PDE4D: variants seen among roughly 807,000 people sequenced by gnomAD.
PDE4D encodes phosphodiesterase 4D, also known as 3',5'-cyclic-AMP phosphodiesterase 4D.
In PDE4D, 24 loss-of-function variants were observed where a neutral mutation model predicts 87.4. The observed-to-expected ratio is 0.27, with a 90% CI of 0.20 to 0.39. The LOEUF (loss-of-function observed/expected upper bound fraction) is 0.39, where lower values mean the gene tolerates loss of function less well. Ranked by LOEUF, PDE4D falls within the 10% of genes least tolerant of loss-of-function variation. The pLI is 1.00. For synonymous variants in PDE4D, 384 were observed against 383.2 expected (o/e 1.00, Z -0.02); for missense variants, 714 against 1,041.0 (o/e 0.69, Z 4.32).
chr5:59,591,396 T>C (rs1276883285), intron 1 of PDE4D, among the ~76,000 whole-genome samples: 1 of 152,198 alleles, frequency 6.6e-6, no homozygotes, highest in African/African-American at 2.4e-5. Context: ...CTAGACTCTT[T>C]AGTCACTTGT....
chr5:59,864,898 A>G (rs1746794668), intron 1 of PDE4D, among the ~76,000 whole-genome samples: 1 of 152,138 alleles, frequency 6.6e-6, no homozygotes, highest in Admixed American at 6.5e-5. Context: ...ACCTACTCAG[A>G]GCACGGTAGG....
intron 5 of PDE4D, among the ~76,000 whole-genome samples, chr5:59,173,366 AAATT>A (rs1447991106): frequency 6.6e-6 from 1 of 152,230 alleles, no homozygotes; most frequent in Non-Finnish European, 1.5e-5. Flanking sequence ...AGGCCAAAAC[AAATT>A]CATTTGTAAG....
intron 1 of PDE4D, among the ~76,000 whole-genome samples, chr5:59,744,366 T>C (rs1278238277): frequency 1.3e-5 from 2 of 152,176 alleles, no homozygotes; most frequent in Non-Finnish European, 1.5e-5. Flanking sequence ...TGGCAGAATA[T>C]ACTTTAATAT....
chr5:59,825,873 A>G (rs1350383065), intron 1 of PDE4D, among the ~76,000 whole-genome samples: 3 of 152,152 alleles, frequency 2.0e-5, no homozygotes, highest in Non-Finnish European at 4.4e-5. Context: ...CACTTACTCA[A>G]TTGTTCTGCA....
At chr5:59,132,390 T>C (rs981833768) in intron 5 of PDE4D, among the ~76,000 whole-genome samples, 2 of 152,172 alleles carry the variant, frequency 1.3e-5, no homozygotes, top group South Asian at 2.1e-4. Context: ...CGTAGAAATA[T>C]AGTTATCAGC....
At chr5:59,299,983 G>A (rs1454568321) in intron 1 of PDE4D, among the ~76,000 whole-genome samples, 1 of 151,826 alleles carries the variant, frequency 6.6e-6, no homozygotes, top group East Asian at 1.9e-4. Context: ...GTGGTGTCCC[G>A]TGCCTGTAGT....
rs888615283 is a variant in PDE4D, at chr5:59,466,932, T to C, written c.456-250964A>G. Among the ~76,000 whole-genome samples, 3 of 152,284 alleles carry C rather than the reference T, an allele frequency of 2.0e-5. No homozygotes were observed. The East Asian group carries it at 5.8e-4, about 29-fold the overall frequency. Reference sequence around the variant, plus strand: ...CTCCAAAATTTGTACGTTGAAGTCCTCGTACCTCAGAATATGACTATATTT... The same window carrying C: ...CTCCAAAATTTGTACGTTGAAGTCCCCGTACCTCAGAATATGACTATATTT... On this transcript the variant is annotated intron_variant, in intron 1 of 14. Coordinates refer to ENST00000340635, the MANE Select transcript of PDE4D (RefSeq NM_001104631.2).
At chr5:59,473,083 GAAAAAAAA>G (rs10573988) in intron 1 of PDE4D, among the ~76,000 whole-genome samples, 2 of 92,118 alleles carry the variant, frequency 2.2e-5, no homozygotes, top group Admixed American at 1.1e-4. Context: ...GCTTTCTCAT[GAAAAAAAA>G]AAAAAAAAAA....
intron 4 of PDE4D, among the ~76,000 whole-genome samples, chr5:59,181,662 C>T (rs1008086867): frequency 6.6e-6 from 1 of 150,464 alleles, no homozygotes; most frequent in African/African-American, 2.5e-5. Flanking sequence ...TAAATAAGTA[C>T]TTTAAATGAA....
intron 2 of PDE4D, among the ~76,000 whole-genome samples, chr5:60,063,530 C>T (rs1771724432): frequency 6.6e-6 from 1 of 152,000 alleles, no homozygotes; most frequent in Admixed American, 6.6e-5. Flanking sequence ...GGGTGTAGGC[C>T]AACCTTGCCA....
chr5:59,421,079 A>C (rs779534480), intron 1 of PDE4D, among the ~76,000 whole-genome samples: 6 of 152,180 alleles, frequency 3.9e-5, no homozygotes, highest in Non-Finnish European at 7.3e-5. Flanking sequence ...GACTATGACA[A>C]ACTGAAGTTT....
intron 2 of PDE4D, among the ~76,000 whole-genome samples, chr5:60,090,634 CT>C (rs1439891451): frequency 6.6e-6 from 1 of 152,150 alleles, no homozygotes; most frequent in Admixed American, 6.5e-5. Flanking sequence ...ATGATGCCCA[CT>C]TTTACCACTG....
At chr5:60,154,008 T>G (rs1781744911) in intron 2 of PDE4D, among the ~76,000 whole-genome samples, 1 of 150,448 alleles carries the variant, frequency 6.6e-6, no homozygotes. Flanking sequence ...AGATCTCAAT[T>G]TAAATGTTCT....
intron 1 of PDE4D, among the ~76,000 whole-genome samples, chr5:59,823,094 T>A (rs73092826): frequency 0.017 from 2,621 of 152,336 alleles, 62 homozygotes; most frequent in African/African-American, 0.061. Flanking sequence ...TCTACTCTTT[T>A]CAAGATTATC....
At chr5:59,752,076 T>C (rs375102565) in intron 1 of PDE4D, among the ~76,000 whole-genome samples, 2 of 152,216 alleles carry the variant, frequency 1.3e-5, no homozygotes, top group Admixed American at 6.5e-5. Flanking sequence ...TGCTTAGTTA[T>C]GGCAACTATT....
At chr5:59,854,160 T>C (rs1291591054) in intron 1 of PDE4D, among the ~76,000 whole-genome samples, 3 of 152,102 alleles carry the variant, frequency 2.0e-5, no homozygotes, top group Non-Finnish European at 4.4e-5. Context: ...CTTTTCTCCT[T>C]CACTGGTTAT....
chr5:60,090,290 C>A (rs866487291), intron 2 of PDE4D, among the ~76,000 whole-genome samples: 2 of 152,080 alleles, frequency 1.3e-5, no homozygotes, highest in Non-Finnish European at 2.9e-5. Flanking sequence ...CATCAAAATA[C>A]AAGCAAACTG....
chr5:60,272,056 A>G lies in PDE4D; in HGVS notation c.-89-86369T>C, dbSNP rs113696973. 1.4e-3 allele frequency among the ~76,000 whole-genome samples: 218 copies of G among 152,340 alleles called. 3 individuals are homozygous for G. The highest frequency in any genetic ancestry group is 5.1e-3 in the African/African-American group (211 of 41,570). ...AGCTCCCAAGATAAGCCTAGAGAGCAAGACTCCACTGGTATTCAGTGTGCC... is the reference window on the plus strand; with the variant it reads ...AGCTCCCAAGATAAGCCTAGAGAGCGAGACTCCACTGGTATTCAGTGTGCC... On this transcript the variant is annotated intron_variant, in intron 1 of 16. Coordinates refer to the PDE4D transcript ENST00000502484.
intron 1 of PDE4D, among the ~76,000 whole-genome samples, chr5:60,348,798 T>C (rs544566727): frequency 7.2e-4 from 110 of 152,202 alleles, no homozygotes; most frequent in African/African-American, 2.5e-3. Flanking sequence ...TACTTTAACT[T>C]CAGTATCCTA....
Sources: allele counts gnomAD v4.1 joint callset (sites outside exome capture counted in the v4.1 genomes callset), GRCh38; gene constraint gnomAD v4.1.1; transcripts MANE v1.5; gene names NCBI Gene and HGNC (gene_info 2026-07-23, HGNC 2026-07-21).